The following PLXDC1 variants were observed in gnomAD, a reference collection of about 807,000 sequenced individuals.
The protein encoded by PLXDC1 is plexin domain-containing protein 1.
PLXDC1 carries 39 observed loss-of-function variants against 61.3 expected under a neutral mutation model. The observed-to-expected ratio is 0.64, with a 90% confidence interval of 0.49 to 0.83. PLXDC1 has a LOEUF of 0.83. PLXDC1 is among the 40% of genes least tolerant of loss of function. The probability of loss-of-function intolerance (pLI) is 0.00; values close to 1 mark genes in which losing one functional copy is unlikely to be tolerated. For synonymous variants in PLXDC1, 212 were observed against 254.5 expected (o/e 0.83, Z 1.59); for missense variants, 596 against 666.5 (o/e 0.89, Z 1.17).
In PLXDC1 at chr17:39,107,545, C is replaced by A. The variant is rs1372397806; in HGVS notation, c.593-20G>T. On this transcript the variant is annotated intron_variant, in intron 5 of 13. Transcript: ENST00000315392. ...CTGTCCCTGGGGAGAAGAACAGAGA[C>A]CCGGCTGGACGGGAGATCATGCAAG... 1.3e-6 allele frequency: 2 copies of A among 1,547,642 alleles called. No individual in the cohort carries two copies. The highest frequency in any genetic ancestry group is 2.7e-5 in the African/African-American group (2 of 73,742).
chr17:39,096,864 A>G (rs1041109384), intron 7 of PLXDC1: 8 of 467,152 alleles, frequency 1.7e-5, no homozygotes, highest in African/African-American at 1.4e-4. Flanking sequence ...CCCCAGCCAC[A>G]TAGCGGATAC....
chr17:39,088,342 G>A (rs1335597351), intron 7 of PLXDC1, among the ~76,000 whole-genome samples: 2 of 152,202 alleles, frequency 1.3e-5, no homozygotes, highest in Non-Finnish European at 2.9e-5. Flanking sequence ...AGCCAGGCTC[G>A]AGTCCTACTT....
At chr17:39,152,184 AC>A (rs528008988), upstream of PLXDC1, among the ~76,000 whole-genome samples, 1 of 89,262 alleles carries the variant, frequency 1.1e-5, no homozygotes, top group Admixed American at 1.4e-4. Context: ...TTATCCCTCC[AC>A]CCCCCATTTC....
rs139910331 is a variant in PLXDC1 at position 39,122,673 on chromosome 17, G to A, written c.256-13282C>T. Among the ~76,000 whole-genome samples, 782 of 152,304 alleles carry A rather than the reference G, an allele frequency of 5.1e-3. 11 individuals carry two copies. The highest frequency in any genetic ancestry group is 0.018 in the African/African-American group (748 of 41,558). On this transcript the variant is annotated intron_variant, in intron 2 of 13. Coordinates refer to ENST00000315392, the MANE Select transcript of PLXDC1 (RefSeq NM_020405.5). ...ACACAATTCACAGCCCATTGTAGAA[G>A]CTCTGACCAGGATGACTTGACATTA...
chr17:39,101,655 C>T (rs531651451), intron 7 of PLXDC1, among the ~76,000 whole-genome samples: 9 of 152,146 alleles, frequency 5.9e-5, no homozygotes, highest in Non-Finnish European at 1.2e-4. Context: ...GCGCTTTGCC[C>T]TCAAGCCACC....
At chr17:39,100,553 C>A (rs1910386546) in intron 7 of PLXDC1, among the ~76,000 whole-genome samples, 1 of 152,178 alleles carries the variant, frequency 6.6e-6, no homozygotes, top group Non-Finnish European at 1.5e-5. Context: ...CCGTGCCTGG[C>A]CGCTGGCTAA....
intron 2 of PLXDC1, among the ~76,000 whole-genome samples, chr17:39,126,441 C>T (rs1911314145): frequency 6.6e-6 from 1 of 152,196 alleles, no homozygotes; most frequent in Non-Finnish European, 1.5e-5. Flanking sequence ...GGCATATTTC[C>T]AGTTGCTTCT....
chr17:39,106,737 A>G (rs1910606859), intron 6 of PLXDC1, among the ~76,000 whole-genome samples: 1 of 146,918 alleles, frequency 6.8e-6, no homozygotes, highest in South Asian at 2.2e-4. Flanking sequence ...GCAACCTCCA[A>G]CTCCTGGGTT....
chr17:39,143,114 G>C (rs1567774535), intron 1 of PLXDC1, among the ~76,000 whole-genome samples: 1 of 152,064 alleles, frequency 6.6e-6, no homozygotes, highest in African/African-American at 2.4e-5. Flanking sequence ...CTCCAGCCTG[G>C]ACAAAAAAGC....
chr17:39,128,103 A>ATATATATATATATATGTGTATATATATG (rs1555573177), intron 2 of PLXDC1, among the ~76,000 whole-genome samples: 1 of 84,902 alleles, frequency 1.2e-5, no homozygotes, highest in Non-Finnish European at 2.3e-5. Flanking sequence ...ATGTGTATAT[A>ATATATATATATATATGTGTATATATATG]TATATATATA....
chr17:39,144,255 G>A (rs897457135), intron 1 of PLXDC1, among the ~76,000 whole-genome samples: 1 of 152,286 alleles, frequency 6.6e-6, no homozygotes, highest in African/African-American at 2.4e-5. Flanking sequence ...CTAATCCTCA[G>A]CTCCCTAGTG....
At chr17:39,149,416 G>A (rs1341343884) in intron 1 of PLXDC1, among the ~76,000 whole-genome samples, 3 of 152,186 alleles carry the variant, frequency 2.0e-5, no homozygotes, top group Admixed American at 6.5e-5. Context: ...CCAGACACCC[G>A]CTTCCTCCTC....
At chr17:39,081,248 A>T (rs1484294861) in intron 9 of PLXDC1, 1 of 152,536 alleles carries the variant, frequency 6.6e-6, no homozygotes, top group African/African-American at 2.4e-5. Context: ...GGAAGAACCA[A>T]CCTGGGGTCT....
At chr17:39,130,565 T>C (rs1027876692) in intron 2 of PLXDC1, among the ~76,000 whole-genome samples, 1 of 152,148 alleles carries the variant, frequency 6.6e-6, no homozygotes, top group Non-Finnish European at 1.5e-5. Context: ...GTTTATTTTA[T>C]TTTACTTTAT....
chr17:39,063,704 T>C lies in PLXDC1; in HGVS notation c.*4136A>G. 1 of 531,342 alleles carries C rather than the reference T, an allele frequency of 1.9e-6. No individual in the cohort carries two copies. The highest frequency in any genetic ancestry group is 2.5e-5 in the South Asian group (1 of 39,528). The allele number at this position is 531,342 out of a possible 1,614,324, so 32.9% of individuals were successfully genotyped here. A position where few individuals can be genotyped will look rare whatever the true frequency, so the allele number is the denominator to read the frequency against. On this transcript the variant is annotated 3_prime_UTR_variant, in exon 14 of 14. Coordinates refer to ENST00000315392, the MANE Select transcript of PLXDC1 (RefSeq NM_020405.5). ...ATGAATACATTGTGTTTTAGAAGGC[T>C]GGGTGCCCTCAGTCCCCAGATCTTT...
intron 7 of PLXDC1, among the ~76,000 whole-genome samples, chr17:39,099,403 A>AGG (rs1910340639): frequency 1.3e-5 from 2 of 152,162 alleles, no homozygotes; most frequent in African/African-American, 4.8e-5. Flanking sequence ...GAAGCCCTTG[A>AGG]GGGAGGTGCA....
At chr17:39,078,161 C>T in intron 10 of PLXDC1, 113 bp from the exon 11 acceptor site, 17 of 1,050,452 alleles carry the variant, frequency 1.6e-5, no homozygotes, top group Non-Finnish European at 2.3e-5. Flanking sequence ...AATCCTTCCT[C>T]AAGGAAGGGG....
intron 9 of PLXDC1, chr17:39,081,393 A>C (rs1431698678): frequency 6.6e-6 from 1 of 151,676 alleles, no homozygotes; most frequent in East Asian, 1.9e-4. Flanking sequence ...AGGCGGGCGG[A>C]TCATGAGGTC....
At chr17:39,079,009 C>T in intron 10 of PLXDC1, 95 bp downstream of exon 10, 1 of 989,226 alleles carries the variant, frequency 1.0e-6, no homozygotes, top group Non-Finnish European at 1.6e-6. Flanking sequence ...GCTAATGCCA[C>T]CTTGAGAAGA....
Sources: gnomAD v4.1 joint callset for allele counts (sites outside exome capture counted in the v4.1 genomes callset) on GRCh38, gnomAD v4.1.1 for gene constraint, MANE v1.5 for transcripts, NCBI Gene and HGNC (gene_info 2026-07-23, HGNC 2026-07-21) for gene names.